Variants in TMEM205 observed in about 807,000 individuals in gnomAD.
TMEM205 encodes the protein transmembrane protein 205.
Under a neutral mutation model 17.9 loss-of-function variants are expected in TMEM205, and 11 were observed. That is an observed-to-expected ratio of 0.61 (90% confidence interval 0.39 to 1.02). The LOEUF is 1.02. Among genes scored for constraint, TMEM205 ranks in the 50% least tolerant of loss-of-function variants. The pLI is 0.01. For synonymous variants in TMEM205, 86 were observed against 97.4 expected, an observed-to-expected ratio of 0.88 and a Z score of 0.69; for missense variants, 236 against 239.4, an observed-to-expected ratio of 0.99 and a Z score of 0.09.
chr19:11,342,789 G>A lies in TMEM205; in HGVS notation c.*26C>T, dbSNP rs781193683. The A allele has an allele frequency of 1.3e-6, 2 of 1,579,674 alleles. No individual in the cohort carries two copies. Among genetic ancestry groups the A allele is most frequent in the East Asian group, 2.2e-5 (1 of 44,474 alleles). On this transcript the variant is annotated 3_prime_UTR_variant, in exon 3 of 3. Coordinates refer to ENST00000354882, the MANE Select transcript of TMEM205 (RefSeq NM_198536.3). The stretch of plus-strand genomic sequence containing the variant: ...AAAGACAGCAGCCATTTCTGAAGAA[G>A]CATTTATTAGCATGCAGGGCCCATG...
At position 11,345,337 on chromosome 19, in the gene TMEM205, A is replaced by T; in HGVS notation, c.179T>A (p.Ile60Asn). 6.2e-7 allele frequency: 1 copy of T among 1,614,152 alleles called. No individual in the cohort carries two copies. Among genetic ancestry groups the T allele is most frequent in the Non-Finnish European group, 8.5e-7 (1 of 1,180,032 alleles). ...GTTGATGAAGGCACAGCCCATGGAG[A>T]TGTGGAAGTAGAAGGGGAAGAGTTT... Reference protein sequence around the residue: ...QSKLFPFYFHISMGCAFINLC... With the variant: ...QSKLFPFYFHNSMGCAFINLC... The change falls in exon 2 of 3, where the codon ATC (isoleucine) becomes AAC (asparagine). Residue 60 changes from isoleucine (I) to asparagine (N), a missense_variant. By Grantham distance (149) the Ile-to-Asn change is moderately radical. Coordinates refer to ENST00000354882, the MANE Select transcript of TMEM205 (RefSeq NM_198536.3).
At chr19:11,344,917 A>G (rs1295968140) in intron 2 of TMEM205, among the ~76,000 whole-genome samples, 1 of 141,184 alleles carries the variant, frequency 7.1e-6, no homozygotes, top group Non-Finnish European at 1.5e-5. Flanking sequence ...GTGCAATGGC[A>G]TGATCTCGGC....
At chr19:11,343,924 C>T (rs1188164180) in intron 2 of TMEM205, among the ~76,000 whole-genome samples, 1 of 150,566 alleles carries the variant, frequency 6.6e-6, no homozygotes, top group African/African-American at 2.4e-5. Flanking sequence ...CTGAACAACA[C>T]AGCAAAGACC....
chr19:11,343,193 C>A, intron 2 of TMEM205, 73 bp from the exon 3 acceptor site: 486 of 1,095,818 alleles, frequency 4.4e-4, no homozygotes, highest in Middle Eastern at 9.2e-4. Context: ...GGTCTTTCTG[C>A]ATCCTCAACA....
chr19:11,345,606 C>T lies in TMEM205; in HGVS notation c.14G>A (p.Gly5Glu). The T allele has an allele frequency of 6.2e-7, 1 of 1,613,966 alleles. No homozygotes were observed. The highest frequency in any genetic ancestry group is 8.5e-7 in the Non-Finnish European group (1 of 1,179,966). The change falls in exon 1 of 3, where the codon GGG (glycine) becomes GAG (glutamate). Residue 5 changes from glycine (G) to glutamate (E), a missense_variant. Physicochemically the swap from Gly to Glu is moderately conservative, Grantham distance 98. Coordinates refer to ENST00000354882, the MANE Select transcript of TMEM205 (RefSeq NM_198536.3). The part of the protein sequence containing the change: MEEG[G>E]NLGGLIKMVH... Reference sequence around the variant, plus strand: ...CATCTTAATCAGGCCTCCTAGGTTCCCGCCTTCCTCCATCTTGCAGTCCTG... The same window carrying T: ...CATCTTAATCAGGCCTCCTAGGTTCTCGCCTTCCTCCATCTTGCAGTCCTG...
At chr19:11,343,876 G>T (rs1568305320) in intron 2 of TMEM205, among the ~76,000 whole-genome samples, 2 of 152,006 alleles carry the variant, frequency 1.3e-5, no homozygotes, top group Admixed American at 6.6e-5. Context: ...AGAGATGGGG[G>T]TGGGAGCATC....
At position 11,345,336 on chromosome 19, in the gene TMEM205, G is replaced by T. The variant is rs762945836; in HGVS notation, c.180C>A (p.Ile60=). 3.1e-6 allele frequency: 5 copies of T among 1,614,124 alleles called. No homozygotes were observed. The highest frequency in any genetic ancestry group is 4.2e-6 in the Non-Finnish European group (5 of 1,180,056). The stretch of plus-strand genomic sequence containing the variant: ...GGTTGATGAAGGCACAGCCCATGGA[G>T]ATGTGGAAGTAGAAGGGGAAGAGTT... ...QSKLFPFYFH[I]SMGCAFINLC... is the part of the protein sequence containing the mutation. Residue 60 remains isoleucine, a synonymous_variant, in exon 2 of 3, where the codon ATC becomes ATA. Transcript: ENST00000354882.
Sources: gnomAD v4.1 joint callset for allele counts (sites outside exome capture counted in the v4.1 genomes callset) on GRCh38, gnomAD v4.1.1 for gene constraint, MANE v1.5 for transcripts, NCBI Gene and HGNC (gene_info 2026-07-23, HGNC 2026-07-21) for gene names.